Variants in RANBP2 observed in about 807,000 individuals in gnomAD.
RANBP2 encodes E3 SUMO-protein ligase RanBP2.
A neutral mutation model predicts 303.6 loss-of-function variants in RANBP2; 57 were observed. The ratio of observed to expected loss-of-function variants is 0.19; its 90% CI spans 0.15 to 0.23. The LOEUF (loss-of-function observed/expected upper bound fraction) is 0.23, where lower values mean the gene tolerates loss of function less well. Among genes scored for constraint, RANBP2 ranks in the 10% least tolerant of loss-of-function variants. RANBP2 has a pLI of 1.00. For missense variants in RANBP2, 3,138 were observed against 3,780.8 expected (o/e 0.83, Z 4.46); for synonymous variants, 1,167 against 1,301.5 (o/e 0.90, Z 2.23).
chr2:109,138,795 G>A, the RANBP2 span, among the ~76,000 whole-genome samples: 1 of 152,214 alleles, frequency 6.6e-6, no homozygotes, highest in Admixed American at 6.5e-5. Context: ...CAGAACGAGT[G>A]ATGTTAATAA....
chr2:109,664,853 C>A, the RANBP2 span, among the ~76,000 whole-genome samples: 1 of 151,590 alleles, frequency 6.6e-6, no homozygotes, highest in Non-Finnish European at 1.5e-5. Flanking sequence ...CTGCTTGAAC[C>A]TGGGAGGTAG....
the RANBP2 span, among the ~76,000 whole-genome samples, chr2:108,924,572 T>G: frequency 6.6e-6 from 1 of 152,164 alleles, no homozygotes; most frequent in Admixed American, 6.5e-5. Flanking sequence ...CCAGGCCCCA[T>G]GGAGGCCCCT....
At chr2:108,804,767 T>C in the RANBP2 span, 9 of 858,718 alleles carry the variant, frequency 1.0e-5, no homozygotes, top group Non-Finnish European at 1.5e-5. Context: ...TGTGCTTGCA[T>C]ACACTGATTA....
the RANBP2 span, chr2:109,737,342 C>T: frequency 1.3e-5 from 9 of 689,752 alleles, no homozygotes; most frequent in Non-Finnish European, 1.3e-5. Flanking sequence ...TTGACGGTCA[C>T]CACCCCTTCG....
chr2:109,478,475 GT>G, the RANBP2 span, among the ~76,000 whole-genome samples: 479 of 152,328 alleles, frequency 3.1e-3, 3 homozygotes, highest in African/African-American at 0.011. Flanking sequence ...AATGTATTCA[GT>G]TATCTAGATG....
the RANBP2 span, among the ~76,000 whole-genome samples, chr2:109,703,594 A>G: frequency 6.6e-6 from 1 of 151,706 alleles, no homozygotes; most frequent in Non-Finnish European, 1.5e-5. Flanking sequence ...ACGCCCAACT[A>G]ATTTTTGTAT....
the RANBP2 span, among the ~76,000 whole-genome samples, chr2:109,629,804 C>G: frequency 3.3e-5 from 5 of 151,760 alleles, no homozygotes; most frequent in Admixed American, 3.3e-4. Context: ...GAGCAAGACT[C>G]CGTTTCAAAA....
At chr2:109,029,506 GTGTC>G in the RANBP2 span, among the ~76,000 whole-genome samples, 8 of 152,360 alleles carry the variant, frequency 5.3e-5, no homozygotes, top group African/African-American at 1.9e-4. Context: ...AGCTCAGTGT[GTGTC>G]TGTCCGTTTC....
chr2:109,188,406 T>G, the RANBP2 span, among the ~76,000 whole-genome samples: 2 of 152,114 alleles, frequency 1.3e-5, no homozygotes, highest in Non-Finnish European at 2.9e-5. Flanking sequence ...CTCAGCGGGG[T>G]CTGGGACCCC....
the RANBP2 span, among the ~76,000 whole-genome samples, chr2:109,588,870 C>T: frequency 0.15 from 19,031 of 125,606 alleles, 1,730 homozygotes; most frequent in African/African-American, 0.29. Flanking sequence ...AAAAAAAAAG[C>T]GAAAGAGGTA....
the RANBP2 span, among the ~76,000 whole-genome samples, chr2:109,688,954 C>T: frequency 2.0e-5 from 3 of 150,062 alleles, no homozygotes; most frequent in South Asian, 2.2e-4. Flanking sequence ...GTCACCCAGG[C>T]GGAGTGCAAT....
At chr2:109,636,874 T>G in the RANBP2 span, among the ~76,000 whole-genome samples, 1 of 152,072 alleles carries the variant, frequency 6.6e-6, no homozygotes, top group Admixed American at 6.6e-5. Context: ...CTGTGGGTAT[T>G]TCTAGTCGGG....
chr2:108,941,017 A>G, the RANBP2 span, among the ~76,000 whole-genome samples: 30 of 152,146 alleles, frequency 2.0e-4, no homozygotes, highest in African/African-American at 5.8e-4. Context: ...TTGATCATCA[A>G]TCTGCCCCAC....
chr2:109,603,335 C>T, the RANBP2 span, among the ~76,000 whole-genome samples: 6 of 151,976 alleles, frequency 3.9e-5, no homozygotes, highest in Middle Eastern at 3.4e-3. Flanking sequence ...CCTGGGTTCA[C>T]GCCATTCTCC....
the RANBP2 span, among the ~76,000 whole-genome samples, chr2:109,102,127 G>A: frequency 0.016 from 2,470 of 151,814 alleles, 79 homozygotes; most frequent in African/African-American, 0.057. Context: ...TTGAGACAGA[G>A]TCTCGCTCTG....
chr2:109,579,811 T>C, the RANBP2 span, among the ~76,000 whole-genome samples: 1 of 152,034 alleles, frequency 6.6e-6, no homozygotes, highest in Non-Finnish European at 1.5e-5. Flanking sequence ...TAACACAATC[T>C]TGATTTAAAA....
chr2:109,408,506 G>A, the RANBP2 span, among the ~76,000 whole-genome samples: 36 of 152,298 alleles, frequency 2.4e-4, no homozygotes, highest in African/African-American at 8.2e-4. Context: ...CGAGAAAAAC[G>A]GGGTCCCACA....
chr2:109,541,885 T>C, the RANBP2 span, among the ~76,000 whole-genome samples: 3 of 152,220 alleles, frequency 2.0e-5, no homozygotes, highest in African/African-American at 7.2e-5. Context: ...CTGAGTCATG[T>C]GTGTGTCCCC....
chr2:109,614,491 T>C, the RANBP2 span: 1 of 1,238,712 alleles, frequency 8.1e-7, no homozygotes, highest in Non-Finnish European at 1.0e-6. Flanking sequence ...CGGTCGAGGA[T>C]GGAGGGGCCG....
Sources: allele counts gnomAD v4.1 joint callset (sites outside exome capture counted in the v4.1 genomes callset), GRCh38; gene constraint gnomAD v4.1.1; transcripts MANE v1.5; gene names NCBI Gene and HGNC (gene_info 2026-07-23, HGNC 2026-07-21).